The following MAP4K2 variants were observed in gnomAD, a reference collection of about 807,000 sequenced individuals.
The protein encoded by MAP4K2 is B lymphocyte serine/threonine protein kinase.
A neutral mutation model predicts 125.3 loss-of-function variants in MAP4K2; 85 were observed. The ratio of observed to expected loss-of-function variants is 0.68; its 90% CI spans 0.57 to 0.81. The LOEUF (loss-of-function observed/expected upper bound fraction) is 0.81, where lower values mean the gene tolerates loss of function less well. Ranked by LOEUF, MAP4K2 falls within the 40% of genes least tolerant of loss-of-function variation. The pLI, the probability that MAP4K2 is intolerant of heterozygous loss-of-function variation, is 0.00. For missense variants in MAP4K2, 923 were observed against 1,056.4 expected, an observed-to-expected ratio of 0.87 and a Z score of 1.75; for synonymous variants, 479 against 445.1, an observed-to-expected ratio of 1.08 and a Z score of -0.96.
intron 12 of MAP4K2, 38 bp from the exon 13 acceptor site, chr11:64,799,721 C>G: frequency 6.4e-7 from 1 of 1,565,222 alleles, no homozygotes; most frequent in East Asian, 2.2e-5. Flanking sequence ...ACACCTGGCA[C>G]GCGCCTCATG....
At chr11:64,793,057 A>C (rs779387806) in intron 24 of MAP4K2, among the ~76,000 whole-genome samples, 1 of 152,104 alleles carries the variant, frequency 6.6e-6, no homozygotes, top group African/African-American at 2.4e-5. Context: ...TCTCTACTAA[A>C]AATACAAAAT....
In MAP4K2 at chr11:64,798,780, C is replaced by T; in HGVS notation, c.1097+14G>A. On this transcript the variant is annotated intron_variant, in intron 15 of 31. Coordinates refer to ENST00000294066, the MANE Select transcript of MAP4K2 (RefSeq NM_004579.5). ...CCCCTGCCACCCCCTGCAGCTTCCC[C>T]ATACCTCACTTACCCACTCAACTCT... The T allele has an allele frequency of 6.2e-7, 1 of 1,612,884 alleles. No homozygotes were observed. The highest frequency in any genetic ancestry group is 8.5e-7 in the Non-Finnish European group (1 of 1,179,426).
At chr11:64,801,645 T>C in intron 6 of MAP4K2, 24 bp from the exon 7 acceptor site, 1 of 1,613,652 alleles carries the variant, frequency 6.2e-7, no homozygotes. Context: ...GGAGAGACAA[T>C]CCCATCTGGT....
intron 4 of MAP4K2, 130 bp from the exon 5 acceptor site, chr11:64,802,251 A>G: frequency 9.4e-7 from 1 of 1,065,306 alleles, no homozygotes; most frequent in East Asian, 2.5e-5. Context: ...CTCCCAGTTT[A>G]GTCTAGGATA....
At chr11:64,799,058 T>G (rs1221373561) in intron 14 of MAP4K2, among the ~76,000 whole-genome samples, 2 of 149,684 alleles carry the variant, frequency 1.3e-5, no homozygotes, top group Non-Finnish European at 1.5e-5. Flanking sequence ...GGCTGGGGGG[T>G]GAGGAGAGAC....
chr11:64,800,773 T>C lies in MAP4K2; in HGVS notation c.716A>G (p.Lys239Arg). ...SSFQPPKLRD[K>R]TRWTQNFHHF... The stretch of plus-strand genomic sequence containing the variant: ...AGGGTGTGGCCCTTACCAGCGAGTC[T>C]TATCTCTCAGTTTGGGCGGCTGGAA... The change falls in exon 10 of 32, where the codon AAG (lysine) becomes AGG (arginine). Residue 239 changes from lysine to arginine, a missense_variant. Transcript: ENST00000294066. 1 of 1,606,562 alleles carries C rather than the reference T, an allele frequency of 6.2e-7. No homozygotes were observed. Among genetic ancestry groups the C allele is most frequent in the African/African-American group, 1.3e-5 (1 of 74,926 alleles).
chr11:64,794,090 T>C (rs939092854), intron 24 of MAP4K2, among the ~76,000 whole-genome samples: 1 of 152,186 alleles, frequency 6.6e-6, no homozygotes, highest in Non-Finnish European at 1.5e-5. Context: ...CGGGGGCCCA[T>C]AGCCCAGGGC....
In MAP4K2 at chr11:64,798,326, G is replaced by A. The variant is rs758224223; in HGVS notation, c.1097+468C>T. ...GATTACAGGCGCCTGCCACCACACC[G>A]GCTAATTTTTTCTATTTTTACTAGA... is the stretch of plus-strand genomic sequence containing the variant. On this transcript the variant is annotated intron_variant, in intron 15 of 31. Coordinates refer to ENST00000294066, the MANE Select transcript of MAP4K2 (RefSeq NM_004579.5). Among the ~76,000 whole-genome samples the A allele has an allele frequency of 6.9e-4, 104 of 151,824 alleles. 1 individual carries two copies. Among genetic ancestry groups the A allele is most frequent in the South Asian group, 2.3e-3 (11 of 4,818 alleles).
intron 18 of MAP4K2, 30 bp from the exon 19 acceptor site, chr11:64,797,222 G>A: frequency 6.2e-7 from 1 of 1,608,976 alleles, no homozygotes; most frequent in African/African-American, 1.3e-5. Flanking sequence ...GTAATTTCCT[G>A]CTGTAGCCCC....
rs372194687 is a variant in MAP4K2, at chr11:64,797,127, T to C, written c.1342A>G (p.Met448Val). The stretch of plus-strand genomic sequence containing the variant: ...ACCTCAGGATCCTCCCGCTGCTTCA[T>C]GGTGGCCCAGGCCGTGGGCAGCAGT... ...SPLLPTAWAT[M>V]KQREDPERSS... The change falls in exon 19 of 32, where the codon ATG becomes GTG. Residue 448 changes from methionine to valine, a missense_variant. Transcript: ENST00000294066. The C allele has an allele frequency of 2.8e-5, 45 of 1,614,156 alleles. No individual in the cohort carries two copies. In the African/African-American group the frequency reaches 6.0e-4, roughly 22 times the overall value.
intron 15 of MAP4K2, among the ~76,000 whole-genome samples, chr11:64,798,443 CG>C (rs1383339158): frequency 6.6e-6 from 1 of 152,208 alleles, no homozygotes; most frequent in Non-Finnish European, 1.5e-5. Context: ...GGATTACAGG[CG>C]TAAGCCACCA....
Position 64,802,113 on chromosome 11 carries a change from G to A in MAP4K2, c.319C>T (p.Pro107Ser). 1.2e-6 allele frequency: 2 copies of A among 1,613,018 alleles called. No homozygotes were observed. The highest frequency in any genetic ancestry group is 2.2e-5 in the East Asian group (1 of 44,882). ...TAGGCAATCTGCCGCTCCTCCAGGG[G>A]CCCAGTGGCTGAAAGGAAAAGGGAG... is the stretch of plus-strand genomic sequence containing the variant. ...SLQEIYHATGPLEERQIAYVC... is the reference protein window; with the variant it reads ...SLQEIYHATGSLEERQIAYVC... The change falls in exon 5 of 32, where the codon CCC (proline) becomes TCC (serine). Residue 107 changes from proline to serine, a missense_variant. Physicochemically the swap from Pro to Ser is moderately conservative, Grantham distance 74. Around this residue, in one of 2 missense-constraint regions of MAP4K2, gnomAD observed 833 missense variants for 911.4 expected, o/e 0.91. Coordinates refer to ENST00000294066, the MANE Select transcript of MAP4K2 (RefSeq NM_004579.5).
Position 64,799,696 on chromosome 11 carries a change from A to G in MAP4K2, c.916-13T>C. Reference sequence around the variant, plus strand: ...ACATGTCATAGGTCTAAGGAAAAACAGAAACAGTGTGGACACACCTGGCAC... The same window carrying G: ...ACATGTCATAGGTCTAAGGAAAAACGGAAACAGTGTGGACACACCTGGCAC... On this transcript the variant is annotated splice_polypyrimidine_tract_variant and intron_variant, in intron 12 of 31. Transcript: ENST00000294066. 6 of 1,612,132 alleles carry G rather than the reference A, an allele frequency of 3.7e-6. No homozygotes were observed. The highest frequency in any genetic ancestry group is 4.2e-6 in the Non-Finnish European group (5 of 1,178,846).
chr11:64,802,428 T>G lies in MAP4K2; in HGVS notation c.301A>C (p.Ile101Leu). Residue 101 changes from isoleucine to leucine, a missense_variant, in exon 4 of 32, where the codon ATT becomes CTT. Transcript: ENST00000294066. ...EFCGGGSLQEIYHATGPLEER... is the reference protein window; with the variant it reads ...EFCGGGSLQELYHATGPLEER... ...GGAGCCCTGGCCTCACCATGGTAAA[T>G]CTCCTGCAGGGAGCCCCCTCCGCAG... The G allele has an allele frequency of 6.7e-7, 1 of 1,493,958 alleles. No homozygotes were observed. Among genetic ancestry groups the G allele is most frequent in the South Asian group, 1.4e-5 (1 of 73,406 alleles). 92.5% of individuals were successfully genotyped at this position (1,493,958 alleles called of 1,614,324 possible).
At chr11:64,795,557 C>T (rs569670522) in intron 24 of MAP4K2, among the ~76,000 whole-genome samples, 37 of 152,250 alleles carry the variant, frequency 2.4e-4, no homozygotes, top group Non-Finnish European at 2.6e-4. Flanking sequence ...TGTGCCACCA[C>T]GCCCGGCTAA....
intron 28 of MAP4K2, 31 bp downstream of exon 28, chr11:64,790,363 C>T: frequency 2.5e-6 from 4 of 1,613,894 alleles, no homozygotes; most frequent in Non-Finnish European, 3.4e-6. Context: ...CCATAGTCCC[C>T]TGCCCTAAGC....
chr11:64,800,438 C>G (rs769536980), intron 10 of MAP4K2, 46 bp from the exon 11 acceptor site: 2 of 1,595,178 alleles, frequency 1.3e-6, no homozygotes, highest in Non-Finnish European at 1.7e-6. Flanking sequence ...GGTTAGCCCT[C>G]GTGCAGGGTG....
rs369759477 is a variant in MAP4K2 at position 64,792,162 on chromosome 11, C to T, written c.1914+10G>A. The T allele has an allele frequency of 3.9e-5, 62 of 1,602,546 alleles. No homozygotes were observed. Among genetic ancestry groups the T allele is most frequent in the South Asian group, 1.2e-4 (11 of 89,260 alleles). On this transcript the variant is annotated intron_variant, in intron 26 of 31. Transcript: ENST00000294066. ...GAGGGTGCCCTGGGCCTCCCCCCACCGCCCCTCACCTTCAGCAGCAGAAAC... is the reference window on the plus strand; with the variant it reads ...GAGGGTGCCCTGGGCCTCCCCCCACTGCCCCTCACCTTCAGCAGCAGAAAC...
chr11:64,789,042 C>G lies in MAP4K2; in HGVS notation c.*495G>C, dbSNP rs1037960632. ...TGGCTTCTCCAAAACCCTGGGGGCC[C>G]TGCCCTTCTGTGGTGCCCACAGAAA... On this transcript the variant is annotated 3_prime_UTR_variant, in exon 32 of 32. Coordinates refer to ENST00000294066, the MANE Select transcript of MAP4K2 (RefSeq NM_004579.5). 7.8e-5 allele frequency: 13 copies of G among 167,416 alleles called. No homozygotes were observed. Among genetic ancestry groups the G allele is most frequent in the African/African-American group, 3.1e-4 (13 of 41,546 alleles). 10.4% of individuals were successfully genotyped at this position (167,416 alleles called of 1,614,324 possible).
Sources: gnomAD v4.1 joint callset for allele counts (sites outside exome capture counted in the v4.1 genomes callset) on GRCh38, gnomAD v4.1.1 for gene constraint, gnomAD v4.1.1 regional missense constraint, MANE v1.5 for transcripts, NCBI Gene and HGNC (gene_info 2026-07-23, HGNC 2026-07-21) for gene names.